Variants in SYT7 observed in about 807,000 individuals in gnomAD.
The protein encoded by SYT7 is synaptotagmin-7.
A neutral mutation model predicts 75.1 loss-of-function variants in SYT7; 29 were observed. The ratio of observed to expected loss-of-function variants is 0.39; its 90% CI spans 0.29 to 0.53. The LOEUF (loss-of-function observed/expected upper bound fraction) is 0.53, where lower values mean the gene tolerates loss of function less well. Among genes scored for constraint, SYT7 ranks in the 20% least tolerant of loss-of-function variants. SYT7 has a pLI of 0.77. For synonymous variants in SYT7, 376 were observed against 401.7 expected, an observed-to-expected ratio of 0.94 and a Z score of 0.76; for missense variants, 693 against 953.2, an observed-to-expected ratio of 0.73 and a Z score of 3.59.
At chr11:61,549,407 T>C (rs543968362) in intron 3 of SYT7, among the ~76,000 whole-genome samples, 1 of 152,176 alleles carries the variant, frequency 6.6e-6, no homozygotes, top group Non-Finnish European at 1.5e-5. Context: ...TCCCCAAACT[T>C]AGTTGGCCGT....
chr11:61,549,343 T>G (rs2063282521), intron 3 of SYT7, among the ~76,000 whole-genome samples: 1 of 152,206 alleles, frequency 6.6e-6, no homozygotes, highest in African/African-American at 2.4e-5. Flanking sequence ...CTCAGAGCCT[T>G]TAACGTGCCC....
chr11:61,541,780 A>T (rs2063049576), intron 6 of SYT7, among the ~76,000 whole-genome samples: 1 of 152,002 alleles, frequency 6.6e-6, no homozygotes, highest in African/African-American at 2.4e-5. Context: ...GGGGAGAAGT[A>T]AATTGCAGGG....
chr11:61,583,208 C>G (rs2064319103), upstream of SYT7, among the ~76,000 whole-genome samples: 1 of 151,696 alleles, frequency 6.6e-6, no homozygotes, highest in Admixed American at 6.6e-5. Context: ...ACCCGGGCAA[C>G]AGAGTGAGCC....
chr11:61,515,556 C>G lies in SYT7; in HGVS notation c.*3071G>C, dbSNP rs2062129228. 6.7e-6 allele frequency: 1 copy of G among 148,604 alleles called. No homozygotes were observed. Among genetic ancestry groups the G allele is most frequent in the Non-Finnish European group, 1.5e-5 (1 of 67,508 alleles). 9.2% of individuals were successfully genotyped at this position (148,604 alleles called of 1,614,324 possible). On this transcript the variant is annotated 3_prime_UTR_variant, in exon 13 of 13. Transcript: ENST00000539008. ...TTTTTGTTTTATTTTTTATAAAACACTTGCACTCAAGAACATACAAACAGT... is the reference window on the plus strand; with the variant it reads ...TTTTTGTTTTATTTTTTATAAAACAGTTGCACTCAAGAACATACAAACAGT...
intron 1 of SYT7, 79 bp from the exon 2 acceptor site, chr11:61,556,286 AC>A: frequency 1.7e-6 from 2 of 1,170,004 alleles, no homozygotes; most frequent in Non-Finnish European, 1.2e-6. Context: ...CTCCAGAACC[AC>A]CACCCTACCC....
At chr11:61,563,897 C>G (rs2063703546) in intron 1 of SYT7, among the ~76,000 whole-genome samples, 1 of 152,180 alleles carries the variant, frequency 6.6e-6, no homozygotes, top group Non-Finnish European at 1.5e-5. Flanking sequence ...CTTTGAAGAC[C>G]AAAGTCTGGT....
intron 1 of SYT7, among the ~76,000 whole-genome samples, chr11:61,571,614 G>A (rs1031172659): frequency 1.3e-5 from 2 of 152,208 alleles, no homozygotes; most frequent in African/African-American, 2.4e-5. Flanking sequence ...CCTTCCTCAC[G>A]CCTCTCCCCT....
At chr11:61,557,191 C>G (rs1008826164) in intron 1 of SYT7, among the ~76,000 whole-genome samples, 7 of 152,210 alleles carry the variant, frequency 4.6e-5, no homozygotes, top group Non-Finnish European at 1.0e-4. Context: ...AGGACAAATT[C>G]TCATGTGGGG....
rs760747654 is a variant in SYT7, at chr11:61,542,419, T to C, written c.733A>G (p.Thr245Ala). The stretch of plus-strand genomic sequence containing the variant: ...TGCAGCTGGCCCAGGCTCTGGCTGG[T>C]GGTGGGCTGGCTGGGCTGCCGGCCC... Reference protein sequence around the residue: ...QRGRQPSQPTTSQSLGQLQAH... With the variant: ...QRGRQPSQPTASQSLGQLQAH... The change falls in exon 6 of 13, where the codon ACC becomes GCC. Residue 245 changes from threonine to alanine, a missense_variant. Physicochemically the swap from Thr to Ala is moderately conservative, Grantham distance 58. Coordinates refer to ENST00000539008, the MANE Select transcript of SYT7 (RefSeq NM_001365809.2). This position sits in a 1 kb window ranked among gnomAD's most constrained non-coding sequence, Gnocchi z 7.8. 8 of 1,532,404 alleles carry C rather than the reference T, an allele frequency of 5.2e-6. No homozygotes were observed. The highest frequency in any genetic ancestry group is 1.2e-5 in the South Asian group (1 of 83,870). 94.9% of individuals were successfully genotyped at this position (1,532,404 alleles called of 1,614,324 possible).
intron 7 of SYT7, among the ~76,000 whole-genome samples, chr11:61,536,346 T>C (rs1272833316): frequency 6.6e-6 from 1 of 152,172 alleles, no homozygotes; most frequent in Non-Finnish European, 1.5e-5. Flanking sequence ...CATTAACACA[T>C]GGGTGATGTG....
intron 1 of SYT7, among the ~76,000 whole-genome samples, chr11:61,569,739 G>C (rs1305396124): frequency 2.0e-5 from 3 of 152,054 alleles, no homozygotes; most frequent in African/African-American, 7.2e-5. Context: ...GAGGAAGGAG[G>C]AATTGCTGAA....
chr11:61,533,311 T>C, intron 7 of SYT7, 187 bp from the exon 8 acceptor site: 1 of 985,398 alleles, frequency 1.0e-6, no homozygotes, highest in Non-Finnish European at 1.2e-6. Context: ...CGGGGCCCAT[T>C]CTCCTTGCAG....
At chr11:61,565,921 C>T (rs886824744) in intron 1 of SYT7, among the ~76,000 whole-genome samples, 10 of 152,224 alleles carry the variant, frequency 6.6e-5, no homozygotes, top group South Asian at 4.1e-4. Flanking sequence ...CCGCAGAGGC[C>T]GGCTAGATGC....
chr11:61,524,683 C>A lies in SYT7; in HGVS notation c.1472-151G>T. On this transcript the variant is annotated intron_variant, in intron 9 of 12. Transcript: ENST00000539008. The surrounding 1 kb of genome is among the most constrained non-coding windows in gnomAD (Gnocchi z 4.1). ...GCAGGCACACCGGATTGCAATTAGACCTTACTGAAGTGCTAGCAAGAACTG... is the reference window on the plus strand; with the variant it reads ...GCAGGCACACCGGATTGCAATTAGAACTTACTGAAGTGCTAGCAAGAACTG... 1 of 664,100 alleles carries A rather than the reference C, an allele frequency of 1.5e-6. No homozygotes were observed. Among genetic ancestry groups the A allele is most frequent in the Non-Finnish European group, 2.5e-6 (1 of 402,616 alleles). 41.1% of individuals were successfully genotyped at this position (664,100 alleles called of 1,614,324 possible). A position where few individuals can be genotyped will look rare whatever the true frequency, so the allele number is the denominator to read the frequency against.
At chr11:61,540,296 T>C (rs969581180) in intron 6 of SYT7, 8 of 168,916 alleles carry the variant, frequency 4.7e-5, no homozygotes, top group Non-Finnish European at 9.6e-5. Flanking sequence ...GCCACCTGCC[T>C]CTCTACTGGA....
In SYT7 at chr11:61,551,339, G is replaced by A; in HGVS notation, c.215+45C>T. On this transcript the variant is annotated intron_variant, in intron 3 of 12. Coordinates refer to ENST00000539008, the MANE Select transcript of SYT7 (RefSeq NM_001365809.2). The surrounding 1 kb of genome is among the most constrained non-coding windows in gnomAD (Gnocchi z 5.3). ...GGAGAGAAGGGGCTCCTCCCACCTG[G>A]GCTGCTTGTGTGGCCCCATCCCAAA... The A allele has an allele frequency of 1.3e-6, 2 of 1,587,978 alleles. No individual in the cohort carries two copies. The highest frequency in any genetic ancestry group is 2.2e-5 in the South Asian group (2 of 90,470).
In SYT7 at chr11:61,538,346, G is replaced by GGAGAGAGAGAGA. The variant is rs58071370; in HGVS notation, c.942-92_942-81dup. ...GGGGGCAGGGGGGAAGGAGAGAGAG[G>GGAGAGAGAGAGA]GAGAGAGAGAGAGAGAGAGAGAGAG... is the stretch of plus-strand genomic sequence containing the variant. On this transcript the variant is annotated intron_variant, in intron 6 of 12. Coordinates refer to ENST00000539008, the MANE Select transcript of SYT7 (RefSeq NM_001365809.2). The GGAGAGAGAGAGA allele has an allele frequency of 1.9e-3, 383 of 203,046 alleles. 1 individual carries two copies. The highest frequency in any genetic ancestry group is 3.0e-3 in the Admixed American group (36 of 11,978). 12.6% of individuals were successfully genotyped at this position (203,046 alleles called of 1,614,324 possible).
intron 9 of SYT7, among the ~76,000 whole-genome samples, chr11:61,526,888 G>C (rs1354493045): frequency 6.6e-6 from 1 of 152,184 alleles, no homozygotes; most frequent in Non-Finnish European, 1.5e-5. Flanking sequence ...TGGCTGGGAA[G>C]GCAGGTGGGG....
intron 9 of SYT7, chr11:61,525,797 A>G (rs1014713490): frequency 2.0e-5 from 3 of 152,312 alleles, no homozygotes; most frequent in Non-Finnish European, 4.4e-5. Context: ...ATCAATGCCA[A>G]TGAAATGGCC....
Sources: allele counts gnomAD v4.1 joint callset (sites outside exome capture counted in the v4.1 genomes callset), GRCh38; gene constraint gnomAD v4.1.1; non-coding constraint Gnocchi (gnomAD v3.1); transcripts MANE v1.5; gene names NCBI Gene and HGNC (gene_info 2026-07-23, HGNC 2026-07-21).